The following FERMT2 variants were observed in gnomAD, a reference collection of about 807,000 sequenced individuals.
FERMT2 encodes the protein fermitin family homolog 2.
FERMT2 carries 15 observed loss-of-function variants against 82.7 expected under a neutral mutation model. The ratio of observed to expected loss-of-function variants is 0.18; its 90% CI spans 0.12 to 0.28. FERMT2 has a LOEUF of 0.28. Ranked by LOEUF, FERMT2 falls within the 10% of genes least tolerant of loss-of-function variation. The probability of loss-of-function intolerance (pLI) is 1.00; values close to 1 mark genes in which losing one functional copy is unlikely to be tolerated. For missense variants in FERMT2, 645 were observed against 809.4 expected (o/e 0.80, Z 2.46); for synonymous variants, 274 against 271.5 (o/e 1.01, Z -0.09).
At chr14:52,916,421 C>T (rs1888618296) in intron 3 of FERMT2, among the ~76,000 whole-genome samples, 1 of 151,270 alleles carries the variant, frequency 6.6e-6, no homozygotes, top group Admixed American at 6.6e-5. Flanking sequence ...AACTTAAATG[C>T]CTATTACGAG....
Position 52,916,202 on chromosome 14 carries a change from G to A in FERMT2, c.391+2921C>T, listed in dbSNP as rs151328911. On this transcript the variant is annotated intron_variant, in intron 3 of 14. Transcript: ENST00000341590. The stretch of plus-strand genomic sequence containing the variant: ...ATACTAAAAATACAAAAATTAGCCC[G>A]GTTTGGTGGCAGGTGCCTGTAATCC... 1.6e-4 allele frequency among the ~76,000 whole-genome samples: 24 copies of A among 152,072 alleles called. No individual in the cohort carries two copies. The East Asian group carries it at 3.1e-3, about 20-fold the overall frequency.
intron 2 of FERMT2, among the ~76,000 whole-genome samples, chr14:52,934,892 GT>G (rs1450668532): frequency 6.6e-6 from 1 of 152,056 alleles, no homozygotes; most frequent in Non-Finnish European, 1.5e-5. Context: ...TAACACTTCT[GT>G]GTGTGAACTG....
intron 2 of FERMT2, among the ~76,000 whole-genome samples, chr14:52,950,151 C>A (rs1890559984): frequency 6.6e-6 from 1 of 152,182 alleles, no homozygotes; most frequent in African/African-American, 2.4e-5. Flanking sequence ...ACACATCCCC[C>A]GTCCCGCGTA....
rs138057925 is a variant in FERMT2, at chr14:52,882,149, T to C, written c.527-680A>G. ...AGGTAACACAATAGAACTGAATTCA[T>C]ATAGATTAAGAATAATTTTATAGTA... On this transcript the variant is annotated intron_variant, in intron 4 of 14. Transcript: ENST00000341590. 3.2e-4 allele frequency among the ~76,000 whole-genome samples: 48 copies of C among 152,332 alleles called. No individual in the cohort carries two copies. In the East Asian group the frequency reaches 8.3e-3, roughly 26 times the overall value.
At chr14:52,922,654 G>C (rs1052358092) in intron 2 of FERMT2, among the ~76,000 whole-genome samples, 2 of 152,196 alleles carry the variant, frequency 1.3e-5, no homozygotes, top group African/African-American at 4.8e-5. Context: ...TAATAAAGAG[G>C]TAATGTGCCA....
chr14:52,861,098 A>C (rs1884902700), intron 12 of FERMT2: 1 of 1,412,972 alleles, frequency 7.1e-7, no homozygotes, highest in African/African-American at 1.5e-5. Context: ...AATCAGAAAA[A>C]ATGGCAACGA....
chr14:52,897,087 A>T (rs909945102), intron 3 of FERMT2, among the ~76,000 whole-genome samples: 7 of 151,852 alleles, frequency 4.6e-5, no homozygotes, highest in Admixed American at 3.3e-4. Context: ...CTCCTCAAAA[A>T]ATATAAATAA....
At chr14:52,911,748 CAT>C (rs1053028255) in intron 3 of FERMT2, among the ~76,000 whole-genome samples, 24 of 151,886 alleles carry the variant, frequency 1.6e-4, no homozygotes, top group African/African-American at 4.8e-4. Context: ...TTCTAACACA[CAT>C]ATGAAAATTT....
rs535654415 is a variant in FERMT2 at position 52,917,670 on chromosome 14, A to G, written c.391+1453T>C. 2.6e-5 allele frequency among the ~76,000 whole-genome samples: 4 copies of G among 152,350 alleles called. No individual in the cohort carries two copies. The South Asian group carries it at 6.2e-4, about 24-fold the overall frequency. ...AAATTGTAGGCGGGGAGGGAAGATG[A>G]ACATCCATAACAGTGCTAGGAGACA... On this transcript the variant is annotated intron_variant, in intron 3 of 14. Coordinates refer to ENST00000341590, the MANE Select transcript of FERMT2 (RefSeq NM_006832.3).
chr14:52,907,925 A>G (rs550417326), intron 3 of FERMT2, among the ~76,000 whole-genome samples: 15 of 152,356 alleles, frequency 9.8e-5, no homozygotes, highest in Non-Finnish European at 1.6e-4. Flanking sequence ...TAAGCCACAG[A>G]TTGTGAGAAA....
intron 3 of FERMT2, among the ~76,000 whole-genome samples, chr14:52,899,939 T>C (rs999720797): frequency 5.3e-5 from 8 of 152,180 alleles, no homozygotes; most frequent in Non-Finnish European, 1.0e-4. Flanking sequence ...AAATAAAACA[T>C]ACCCAGAGGA....
Position 52,896,999 on chromosome 14 carries a change from A to AACAC in FERMT2, c.392-3576_392-3573dup, listed in dbSNP as rs57945447. ...GCAAGACCATCTGCAAAACAAATAA[A>AACAC]ACACACACACACACACACACACACA... On this transcript the variant is annotated intron_variant, in intron 3 of 14. Coordinates refer to ENST00000341590, the MANE Select transcript of FERMT2 (RefSeq NM_006832.3). Among the ~76,000 whole-genome samples the AACAC allele has an allele frequency of 7.7e-3, 1,062 of 137,144 alleles. 18 individuals carry two copies. The highest frequency in any genetic ancestry group is 0.027 in the African/African-American group (963 of 35,268). 90.0% of individuals were successfully genotyped at this position (137,144 alleles called of 152,430 possible). A position where few individuals can be genotyped will look rare whatever the true frequency, so the allele number is the denominator to read the frequency against.
At chr14:52,908,179 A>T (rs1220193531) in intron 3 of FERMT2, among the ~76,000 whole-genome samples, 1 of 152,216 alleles carries the variant, frequency 6.6e-6, no homozygotes, top group Non-Finnish European at 1.5e-5. Context: ...CCCCAAACTG[A>T]AAAATGTTTC....
At position 52,909,139 on chromosome 14, in the gene FERMT2, AAGAG is replaced by A. The variant is rs150283273; in HGVS notation, c.391+9980_391+9983del. 3.6e-3 allele frequency among the ~76,000 whole-genome samples: 543 copies of A among 152,216 alleles called. 7 individuals are homozygous for A. Among genetic ancestry groups the A allele is most frequent in the African/African-American group, 0.012 (518 of 41,560 alleles). Reference sequence around the variant, plus strand: ...ACAGGTGTGGAAGAGAGAGAGGTGAAAGAGAGAGAGGTGCCTCCTGAATGCAGCT... The same window carrying A: ...ACAGGTGTGGAAGAGAGAGAGGTGAAAGAGAGGTGCCTCCTGAATGCAGCT... On this transcript the variant is annotated intron_variant, in intron 3 of 14. Transcript: ENST00000341590.
chr14:52,878,713 T>C (rs1281687027), intron 6 of FERMT2, 24 bp from the exon 7 acceptor site: 1 of 1,268,696 alleles, frequency 7.9e-7, no homozygotes, highest in Non-Finnish European at 1.1e-6. Flanking sequence ...AATAGTTCTT[T>C]TGTAATATAT....
At chr14:52,920,079 A>G (rs151173097) in intron 2 of FERMT2, among the ~76,000 whole-genome samples, 1 of 152,318 alleles carries the variant, frequency 6.6e-6, no homozygotes, top group African/African-American at 2.4e-5. Context: ...TTATGCAACT[A>G]AATGAAACCA....
chr14:52,920,468 A>C (rs780757368), intron 2 of FERMT2, among the ~76,000 whole-genome samples: 1 of 151,236 alleles, frequency 6.6e-6, no homozygotes, highest in Non-Finnish European at 1.5e-5. Context: ...CCATCTCTAT[A>C]ATTTTTTTTT....
chr14:52,910,369 C>T (rs1566744966), intron 3 of FERMT2, among the ~76,000 whole-genome samples: 1 of 152,064 alleles, frequency 6.6e-6, no homozygotes, highest in Admixed American at 6.6e-5. Flanking sequence ...AGAATGGTAA[C>T]AAGCTCTAAA....
intron 2 of FERMT2, among the ~76,000 whole-genome samples, chr14:52,920,950 G>C (rs1282344911): frequency 2.0e-5 from 3 of 147,032 alleles, no homozygotes; most frequent in Non-Finnish European, 4.5e-5. Flanking sequence ...CCTACCTCAA[G>C]AAAAAAAAAA....
Sources: allele counts gnomAD v4.1 joint callset (sites outside exome capture counted in the v4.1 genomes callset), GRCh38; gene constraint gnomAD v4.1.1; transcripts MANE v1.5; gene names NCBI Gene and HGNC (gene_info 2026-07-23, HGNC 2026-07-21).